The following KDM1A variants were observed in gnomAD, a reference collection of about 807,000 sequenced individuals.
KDM1A encodes lysine-specific histone demethylase 1A.
A neutral mutation model predicts 109.4 loss-of-function variants in KDM1A; 49 were observed. That is an observed-to-expected ratio of 0.45 (90% CI 0.36 to 0.57). The LOEUF is 0.57. Among genes scored for constraint, KDM1A ranks in the 20% least tolerant of loss-of-function variants. The pLI is 0.00. For missense variants in KDM1A, 668 were observed against 1,116.6 expected (o/e 0.60, Z 5.73); for synonymous variants, 380 against 415.4 (o/e 0.91, Z 1.04).
intron 15 of KDM1A, among the ~76,000 whole-genome samples, chr1:23,075,149 C>T (rs536650437): frequency 6.6e-6 from 1 of 152,088 alleles, no homozygotes; most frequent in Non-Finnish European, 1.5e-5. Context: ...AGTTTTCTTT[C>T]GTTTATGTCA....
chr1:23,047,852 C>T (rs141182373), intron 3 of KDM1A, among the ~76,000 whole-genome samples: 1 of 151,880 alleles, frequency 6.6e-6, no homozygotes, highest in Non-Finnish European at 1.5e-5. Context: ...TGAGATTGTG[C>T]CCCTGCACTT....
In KDM1A at chr1:23,019,558, G is replaced by A. The variant is rs1178487488; in HGVS notation, c.-39G>A. On this transcript the variant is annotated 5_prime_UTR_variant, in exon 1 of 21. Coordinates refer to ENST00000400181, the MANE Select transcript of KDM1A (RefSeq NM_001009999.3). ...TTTCGGACCCACGGAGCGACAGAGC[G>A]AGCGGCCCCTACGGCCGTCGGCGGC... 5.1e-6 allele frequency: 7 copies of A among 1,380,628 alleles called. No homozygotes were observed. Among genetic ancestry groups the A allele is most frequent in the Non-Finnish European group, 6.5e-6 (7 of 1,071,374 alleles). 85.5% of individuals were successfully genotyped at this position (1,380,628 alleles called of 1,614,324 possible). A position where few individuals can be genotyped will look rare whatever the true frequency, so the allele number is the denominator to read the frequency against.
At chr1:23,035,340 T>C (rs960881713) in intron 2 of KDM1A, among the ~76,000 whole-genome samples, 22 of 152,248 alleles carry the variant, frequency 1.4e-4, no homozygotes, top group African/African-American at 5.1e-4. Flanking sequence ...GTAGCTGGGA[T>C]TACAGGCATG....
Position 23,055,939 on chromosome 1 carries a change from G to T in KDM1A, c.891G>T (p.Lys297Asn). The part of the protein sequence containing the change: ...YKRIKPLPTK[K>N]TGKVIIIGSG... ...TTCATTTTTTGCTTTTAGCTAAAAAGACAGGAAAGGTAATTATTATAGGCT... is the reference window on the plus strand; with the variant it reads ...TTCATTTTTTGCTTTTAGCTAAAAATACAGGAAAGGTAATTATTATAGGCT... Residue 297 changes from lysine (K) to asparagine (N), a missense_variant, in exon 7 of 21, where the codon AAG becomes AAT. Lys to Asn is a moderately conservative substitution (Grantham distance 94, BLOSUM62 0). Around this residue, in one of 8 missense-constraint regions of KDM1A, gnomAD observed 149 missense variants for 189.7 expected, o/e 0.79. Coordinates refer to ENST00000400181, the MANE Select transcript of KDM1A (RefSeq NM_001009999.3). 1 of 1,602,404 alleles carries T rather than the reference G, an allele frequency of 6.2e-7. No homozygotes were observed. The highest frequency in any genetic ancestry group is 1.1e-5 in the South Asian group (1 of 88,506).
At chr1:23,056,334 G>A (rs1642829529) in intron 7 of KDM1A, among the ~76,000 whole-genome samples, 1 of 151,866 alleles carries the variant, frequency 6.6e-6, no homozygotes, top group Non-Finnish European at 1.5e-5. Flanking sequence ...CATATCCTTT[G>A]TTAGGAGGCA....
intron 2 of KDM1A, among the ~76,000 whole-genome samples, chr1:23,037,457 T>A (rs1642183623): frequency 6.6e-6 from 1 of 152,192 alleles, no homozygotes. Context: ...GTATTTATCA[T>A]GTACAGCGTG....
chr1:23,082,413 A>C, intron 20 of KDM1A, 47 bp downstream of exon 20: 1 of 1,503,242 alleles, frequency 6.7e-7, no homozygotes, highest in South Asian at 1.3e-5. Context: ...AGAGGCCAGG[A>C]TCTCATGATG....
intron 3 of KDM1A, among the ~76,000 whole-genome samples, chr1:23,045,588 CCATGG>C (rs1216054928): frequency 6.6e-6 from 1 of 152,078 alleles, no homozygotes; most frequent in Admixed American, 6.6e-5. Flanking sequence ...ATTAGATCTT[CCATGG>C]AACTGTTGAA....
intron 4 of KDM1A, among the ~76,000 whole-genome samples, chr1:23,051,771 G>A (rs1175818465): frequency 6.6e-6 from 1 of 152,198 alleles, no homozygotes; most frequent in East Asian, 1.9e-4. Context: ...GCTCAGAGAT[G>A]TCATTGATAT....
intron 11 of KDM1A, 56 bp downstream of exon 11, chr1:23,068,737 A>G (rs1643224663): frequency 2.2e-6 from 3 of 1,369,890 alleles, no homozygotes; most frequent in Admixed American, 5.6e-5. Flanking sequence ...AAGATTTGCT[A>G]TTTATGTTTT....
At chr1:23,078,784 G>A (rs1210723772) in intron 16 of KDM1A, among the ~76,000 whole-genome samples, 1 of 152,204 alleles carries the variant, frequency 6.6e-6, no homozygotes, top group African/African-American at 2.4e-5. Context: ...GACTACAAGG[G>A]TTTGAATCCT....
intron 2 of KDM1A, among the ~76,000 whole-genome samples, chr1:23,041,865 GTTTT>G (rs1569687071): frequency 6.6e-6 from 1 of 151,992 alleles, no homozygotes; most frequent in South Asian, 2.1e-4. Flanking sequence ...TTTTTAAGAG[GTTTT>G]TTAATTCCTT....
chr1:23,060,324 C>T (rs754202105), intron 9 of KDM1A, among the ~76,000 whole-genome samples: 2 of 152,128 alleles, frequency 1.3e-5, no homozygotes, highest in Admixed American at 6.5e-5. Flanking sequence ...TTTAAAAACA[C>T]GGACTGAAGT....
chr1:23,082,429 G>C, intron 20 of KDM1A, 63 bp downstream of exon 20: 1 of 1,218,566 alleles, frequency 8.2e-7, no homozygotes, highest in South Asian at 1.9e-5. Context: ...TGATGTCCCT[G>C]ATTTTTTTTT....
chr1:23,019,905 G>C lies in KDM1A; in HGVS notation c.309G>C (p.Glu103Asp). The change falls in exon 1 of 21, where the codon GAG becomes GAC. Residue 103 changes from glutamate to aspartate, a missense_variant. Physicochemically the swap from Glu to Asp is conservative, Grantham distance 45. This residue lies in a region of KDM1A where 156 missense variants were observed against 163.4 expected (regional missense o/e 0.95). Coordinates refer to ENST00000400181, the MANE Select transcript of KDM1A (RefSeq NM_001009999.3). ...SATPMETGIA[E>D]TPEGRRTSRR... ...CCCCCATGGAAACTGGAATAGCAGA[G>C]ACTCCGGAGGGGCGTCGGACCAGCC... The C allele has an allele frequency of 1.3e-6, 2 of 1,572,994 alleles. No homozygotes were observed. Among genetic ancestry groups the C allele is most frequent in the Non-Finnish European group, 8.6e-7 (1 of 1,162,136 alleles).
chr1:23,022,635 T>C (rs647551), intron 1 of KDM1A, among the ~76,000 whole-genome samples: 115,607 of 143,106 alleles, frequency 0.81, 46,984 homozygotes, highest in Non-Finnish European at 0.84. Flanking sequence ...CCACTGCGCC[T>C]GGCCTTCTTC....
chr1:23,020,007 T>C, intron 1 of KDM1A, 60 bp downstream of exon 1: 1 of 1,394,388 alleles, frequency 7.2e-7, no homozygotes, highest in Non-Finnish European at 9.3e-7. Flanking sequence ...CCGAGGCTTC[T>C]CCGCCCTCCC....
chr1:23,054,374 A>G (rs1642761749), intron 5 of KDM1A, among the ~76,000 whole-genome samples: 1 of 152,206 alleles, frequency 6.6e-6, no homozygotes, highest in Non-Finnish European at 1.5e-5. Context: ...CCTGGGCAAC[A>G]TAGTGAGACC....
intron 15 of KDM1A, among the ~76,000 whole-genome samples, chr1:23,076,654 GGT>G (rs1470459009): frequency 6.6e-6 from 1 of 152,032 alleles, no homozygotes; most frequent in Admixed American, 6.6e-5. Flanking sequence ...CGGACTTAGT[GGT>G]ATTGGACTGG....
Sources: allele counts gnomAD v4.1 joint callset (sites outside exome capture counted in the v4.1 genomes callset), GRCh38; gene constraint gnomAD v4.1.1; regional missense constraint gnomAD v4.1.1; transcripts MANE v1.5; gene names NCBI Gene and HGNC (gene_info 2026-07-23, HGNC 2026-07-21).